HOXC4: variants seen among roughly 807,000 people sequenced by gnomAD.
The protein encoded by HOXC4 is homeobox C4.
HOXC4 carries 15 observed loss-of-function variants against 25.5 expected under a neutral mutation model. The observed-to-expected ratio is 0.59, with a 90% CI of 0.39 to 0.91. The LOEUF is 0.91. Ranked by LOEUF, HOXC4 falls within the 40% of genes least tolerant of loss-of-function variation. HOXC4 has a pLI of 0.00. For missense variants in HOXC4, 342 were observed against 352.4 expected, an observed-to-expected ratio of 0.97 and a Z score of 0.24; for synonymous variants, 165 against 148.0, an observed-to-expected ratio of 1.11 and a Z score of -0.83.
chr12:54,043,153 G>A (rs1329858969), intron 1 of HOXC4, among the ~76,000 whole-genome samples: 1 of 152,204 alleles, frequency 6.6e-6, no homozygotes, highest in African/African-American at 2.4e-5. Context: ...TATGAGAAGA[G>A]GTTGAACACT....
chr12:54,029,034 G>A, intron 1 of HOXC4: 1 of 1,038,040 alleles, frequency 9.6e-7, no homozygotes, highest in South Asian at 1.6e-5. Flanking sequence ...AAACAATCAC[G>A]CTCGTCTCCT....
chr12:54,033,887 C>T (rs1941088367), intron 1 of HOXC4: 1 of 482,432 alleles, frequency 2.1e-6, no homozygotes, highest in Non-Finnish European at 3.9e-6. Context: ...CCCGCGGCTC[C>T]CTCCCTCCCT....
chr12:54,046,052 C>T (rs1042291384), intron 1 of HOXC4, among the ~76,000 whole-genome samples: 1 of 152,178 alleles, frequency 6.6e-6, no homozygotes, highest in South Asian at 2.1e-4. Context: ...CTACACCCCC[C>T]ACTGGGCCTT....
chr12:54,037,355 G>A (rs1336172601), intron 1 of HOXC4, among the ~76,000 whole-genome samples: 1 of 152,174 alleles, frequency 6.6e-6, no homozygotes, highest in Non-Finnish European at 1.5e-5. Flanking sequence ...AGTTTATGGA[G>A]GGGTCTTCTG....
In HOXC4 at chr12:54,028,246, C is replaced by CATATAT. The variant is rs147627891; in HGVS notation, c.-124+10849_-124+10854dup. 570 of 149,416 alleles carry CATATAT rather than the reference C, an allele frequency of 3.8e-3. 15 individuals are homozygous for CATATAT. In the East Asian group the frequency reaches 0.039, roughly 10 times the overall value. The allele number at this position is 149,416 out of a possible 1,614,324, so 9.3% of individuals were successfully genotyped here. ...CTTCACCACCAAACCAGTTCCCTTA[C>CATATAT]ATATATATATATATATATATATTTT... is the stretch of plus-strand genomic sequence containing the variant. On this transcript the variant is annotated intron_variant, in intron 1 of 3. Transcript: ENST00000303406.
At chr12:54,034,030 T>G (rs1166184665) in intron 1 of HOXC4, 8 of 683,112 alleles carry the variant, frequency 1.2e-5, no homozygotes, top group Non-Finnish European at 2.2e-5. Flanking sequence ...GGTCTCCCTC[T>G]TCCCCCCAAC....
chr12:54,023,382 G>A (rs1940536307), intron 1 of HOXC4, among the ~76,000 whole-genome samples: 1 of 152,194 alleles, frequency 6.6e-6, no homozygotes, highest in Admixed American at 6.5e-5. Flanking sequence ...TGAAGTGCTG[G>A]TAAGGAAAGG....
intron 1 of HOXC4, among the ~76,000 whole-genome samples, chr12:54,026,275 GC>G (rs1207177678): frequency 6.6e-6 from 1 of 152,098 alleles, no homozygotes; most frequent in Non-Finnish European, 1.5e-5. Flanking sequence ...GAGTACTCCT[GC>G]CTTGTTGTCT....
intron 1 of HOXC4, among the ~76,000 whole-genome samples, chr12:54,026,967 G>C (rs556383457): frequency 1.0e-5 from 1 of 95,652 alleles, no homozygotes; most frequent in Non-Finnish European, 2.4e-5. Context: ...AAAATGGTGG[G>C]GGGGGGGGGA....
chr12:54,028,566 C>CG (rs1565741093), intron 1 of HOXC4: 1 of 1,614,088 alleles, frequency 6.2e-7, no homozygotes, highest in South Asian at 1.1e-5. Flanking sequence ...GCCACCTCGC[C>CG]GGGGGCCAGG....
chr12:54,032,209 T>C (rs1941011282), intron 1 of HOXC4, among the ~76,000 whole-genome samples: 1 of 152,166 alleles, frequency 6.6e-6, no homozygotes, highest in African/African-American at 2.4e-5. Context: ...CCTAGCATGG[T>C]GAGGTCTAGC....
At chr12:54,044,279 C>T (rs1056092501) in intron 1 of HOXC4, among the ~76,000 whole-genome samples, 4 of 152,084 alleles carry the variant, frequency 2.6e-5, no homozygotes, top group Admixed American at 1.3e-4. Flanking sequence ...TATAACAGAG[C>T]ATCTGGAGTC....
chr12:54,037,453 T>A lies in HOXC4; in HGVS notation c.-123-15707T>A, dbSNP rs75189007. ...CAGCAAGAAAGAAGGGGAAGAAGCA[T>A]GACTTACCTTCCCGGGGGAGTGGGA... On this transcript the variant is annotated intron_variant, in intron 1 of 3. Transcript: ENST00000303406. Among the ~76,000 whole-genome samples, 2,417 of 152,080 alleles carry A rather than the reference T, an allele frequency of 0.016. 167 individuals are homozygous for A. In the East Asian group the frequency reaches 0.2, roughly 12 times the overall value.
upstream of HOXC4, among the ~76,000 whole-genome samples, chr12:54,051,376 T>A (rs1014524342): frequency 6.6e-6 from 1 of 152,078 alleles, no homozygotes; most frequent in Non-Finnish European, 1.5e-5. Context: ...GGTTTCCCTT[T>A]GCCCTCTTCC....
intron 1 of HOXC4, chr12:54,029,002 A>G: frequency 7.2e-7 from 1 of 1,390,874 alleles, no homozygotes. Context: ...ACGGGCGGAG[A>G]GAGTTTTTTA....
chr12:54,034,232 C>T, intron 1 of HOXC4: 1 of 1,528,160 alleles, frequency 6.5e-7, no homozygotes, highest in Non-Finnish European at 9.0e-7. Flanking sequence ...GGGAACGCTG[C>T]AAGCTATTCA....
chr12:54,041,843 A>G (rs1390380266), intron 1 of HOXC4, among the ~76,000 whole-genome samples: 1 of 151,254 alleles, frequency 6.6e-6, no homozygotes, highest in Non-Finnish European at 1.5e-5. Flanking sequence ...CACCCAGTTA[A>G]TTTTTGTATT....
At chr12:54,019,451 G>A (rs894263355) in intron 1 of HOXC4, among the ~76,000 whole-genome samples, 1 of 152,154 alleles carries the variant, frequency 6.6e-6, no homozygotes, top group African/African-American at 2.4e-5. Context: ...GGCCCGAGAG[G>A]CCCGAAAAAG....
At chr12:54,029,765 C>T in intron 1 of HOXC4, 1 of 1,614,092 alleles carries the variant, frequency 6.2e-7, no homozygotes, top group Non-Finnish European at 8.5e-7. Flanking sequence ...GCGGCGCCGG[C>T]GCATCGAGAT....
Sources: gnomAD v4.1 joint callset for allele counts (sites outside exome capture counted in the v4.1 genomes callset) on GRCh38, gnomAD v4.1.1 for gene constraint, MANE v1.5 for transcripts, NCBI Gene and HGNC (gene_info 2026-07-23, HGNC 2026-07-21) for gene names.